The following MYT1L variants were observed in gnomAD, a reference collection of about 807,000 sequenced individuals.
The protein encoded by MYT1L is myelin transcription factor 1-like protein.
In MYT1L, 12 loss-of-function variants were observed where a neutral mutation model predicts 126.7. That is an observed-to-expected ratio of 0.09 (90% CI 0.06 to 0.15). MYT1L has a LOEUF of 0.15. MYT1L is among the 10% of genes least tolerant of loss of function. The probability of loss-of-function intolerance (pLI) is 1.00; values close to 1 mark genes in which losing one functional copy is unlikely to be tolerated. For missense variants in MYT1L, 979 were observed against 1,585.2 expected (o/e 0.62, Z 6.49); for synonymous variants, 541 against 604.2 (o/e 0.90, Z 1.53).
chr2:2,104,938 G>C (rs2046269856), intron 3 of MYT1L, among the ~76,000 whole-genome samples: 3 of 152,110 alleles, frequency 2.0e-5, no homozygotes, highest in South Asian at 4.1e-4. Flanking sequence ...GGAATCTTAA[G>C]TCACTCAGCC....
At chr2:2,005,788 G>A (rs1011051419) in intron 4 of MYT1L, among the ~76,000 whole-genome samples, 7 of 130,642 alleles carry the variant, frequency 5.4e-5, no homozygotes, top group African/African-American at 1.8e-4. Flanking sequence ...TCCTGTGTGC[G>A]TTCTTTCCTG....
At chr2:1,904,117 CAA>C (rs1306970547) in intron 13 of MYT1L, among the ~76,000 whole-genome samples, 2 of 152,204 alleles carry the variant, frequency 1.3e-5, no homozygotes, top group East Asian at 1.9e-4. Context: ...AACCGTCAGA[CAA>C]GAGCAAAACC....
rs190418209 is a variant in MYT1L at position 2,126,535 on chromosome 2, T to C, written c.-304+46337A>G. Among the ~76,000 whole-genome samples the C allele has an allele frequency of 1.6e-4, 25 of 152,250 alleles. No homozygotes were observed. In the East Asian group the frequency reaches 2.1e-3, roughly 13 times the overall value. ...CCCCTTGCCATAGGGTGGGTAGGGA[T>C]TGGCGAGCCTGAGGCAGTCAACACA... On this transcript the variant is annotated intron_variant, in intron 3 of 24. Coordinates refer to ENST00000647738, the MANE Select transcript of MYT1L (RefSeq NM_001303052.2).
At chr2:1,972,731 T>C (rs548958805) in intron 8 of MYT1L, among the ~76,000 whole-genome samples, 4 of 152,318 alleles carry the variant, frequency 2.6e-5, no homozygotes, top group South Asian at 4.1e-4. Context: ...CGCTGTGCCA[T>C]GGCACCCACA....
chr2:1,901,147 G>A lies in MYT1L; in HGVS notation c.2032+1933C>T, dbSNP rs71442306. 1.5e-3 allele frequency among the ~76,000 whole-genome samples: 228 copies of A among 152,294 alleles called. 2 individuals are homozygous for A. The highest frequency in any genetic ancestry group is 3.5e-3 in the Admixed American group (53 of 15,302). On this transcript the variant is annotated intron_variant, in intron 14 of 24. Coordinates refer to ENST00000647738, the MANE Select transcript of MYT1L (RefSeq NM_001303052.2). ...TGACTTCGGGTGCCCTAAAGGCACC[G>A]TGACCTGGAGACGGCTCTGCTGGTC...
chr2:1,926,022 AGT>A (rs2054182054), intron 9 of MYT1L, among the ~76,000 whole-genome samples: 1 of 152,184 alleles, frequency 6.6e-6, no homozygotes, highest in Admixed American at 6.5e-5. Context: ...GGAAACAGGC[AGT>A]GGAAAGCATA....
intron 5 of MYT1L, among the ~76,000 whole-genome samples, chr2:1,989,185 G>A (rs186210600): frequency 1.3e-5 from 2 of 152,252 alleles, no homozygotes; most frequent in Admixed American, 6.5e-5. Context: ...TTTTCTAGAT[G>A]AGAATATTTT....
chr2:1,918,001 G>A (rs193242662), intron 10 of MYT1L, among the ~76,000 whole-genome samples: 8 of 152,252 alleles, frequency 5.3e-5, no homozygotes, highest in East Asian at 1.9e-4. Context: ...CAGAAGCCAC[G>A]GGAGCAGCCT....
At position 1,805,463 on chromosome 2, in the gene MYT1L, A is replaced by G. The variant is rs191609201; in HGVS notation, c.3172+3613T>C. Among the ~76,000 whole-genome samples, 43 of 152,324 alleles carry G rather than the reference A, an allele frequency of 2.8e-4. No homozygotes were observed. The East Asian group carries it at 6.9e-3, about 25-fold the overall frequency. ...AGGCTTTACACTCAGGATATGAAAG[A>G]AAAGAAGGCCGGGCATGGTGGCTCA... On this transcript the variant is annotated intron_variant, in intron 22 of 24. Coordinates refer to ENST00000647738, the MANE Select transcript of MYT1L (RefSeq NM_001303052.2).
chr2:1,805,317 G>A (rs983603258), intron 22 of MYT1L, among the ~76,000 whole-genome samples: 11 of 152,178 alleles, frequency 7.2e-5, no homozygotes, highest in Admixed American at 2.6e-4. Context: ...CTTCTTGGCC[G>A]AGTCAGTGCC....
chr2:1,978,870 T>A (rs2060379530), intron 8 of MYT1L, among the ~76,000 whole-genome samples: 1 of 152,024 alleles, frequency 6.6e-6, no homozygotes, highest in Non-Finnish European at 1.5e-5. Flanking sequence ...CAGTGGGAAG[T>A]TCTTAGGTGG....
At chr2:1,933,845 C>T (rs546124354) in intron 9 of MYT1L, among the ~76,000 whole-genome samples, 1 of 152,090 alleles carries the variant, frequency 6.6e-6, no homozygotes, top group Non-Finnish European at 1.5e-5. Context: ...GAATTTTTAA[C>T]ATTATTCAGT....
At chr2:2,137,147 T>C (rs1488639870) in intron 3 of MYT1L, among the ~76,000 whole-genome samples, 1 of 152,144 alleles carries the variant, frequency 6.6e-6, no homozygotes, top group Non-Finnish European at 1.5e-5. Context: ...GTGAAGGACC[T>C]CTTCAAGGAG....
At chr2:2,232,772 A>C (rs1559408812) in intron 2 of MYT1L, among the ~76,000 whole-genome samples, 2 of 152,188 alleles carry the variant, frequency 1.3e-5, no homozygotes, top group Non-Finnish European at 2.9e-5. Context: ...GCAATGATGA[A>C]GTGACTACAG....
intron 3 of MYT1L, 36 bp from the exon 4 acceptor site, chr2:2,054,159 A>G (rs139649147): frequency 6.5e-6 from 1 of 152,806 alleles, no homozygotes; most frequent in East Asian, 1.9e-4. Flanking sequence ...AATGAGGCTG[A>G]TATTCACAGT....
At chr2:1,981,876 G>A (rs1470440808) in intron 5 of MYT1L, among the ~76,000 whole-genome samples, 3 of 152,108 alleles carry the variant, frequency 2.0e-5, no homozygotes, top group African/African-American at 7.2e-5. Flanking sequence ...CAGCCAATTC[G>A]GGAACATAAT....
rs543025789 is a variant in MYT1L, at chr2:1,976,944, GT to G, written c.152+2220del. On this transcript the variant is annotated intron_variant, in intron 8 of 24. Transcript: ENST00000647738. ...ACTGAAGGCTGTAGACGTTACGTAA[GT>G]TGTCCAGAGCTACTGGTCCATTAGT... Among the ~76,000 whole-genome samples the G allele has an allele frequency of 1.5e-3, 229 of 152,282 alleles. 2 individuals carry two copies. Among genetic ancestry groups the G allele is most frequent in the Non-Finnish European group, 2.8e-3 (188 of 68,022 alleles).
intron 19 of MYT1L, among the ~76,000 whole-genome samples, chr2:1,847,497 G>A (rs1215188300): frequency 6.6e-6 from 1 of 152,134 alleles, no homozygotes; most frequent in Non-Finnish European, 1.5e-5. Context: ...GAGAGAATGA[G>A]GAGCACCCCT....
rs533062752 is a variant in MYT1L, at chr2:2,130,068, T to G, written c.-304+42804A>C. ...TATTATCAGCAATCTAATGGTAGATTGAGAGAAAACATTTGCATTATAGGA... is the reference window on the plus strand; with the variant it reads ...TATTATCAGCAATCTAATGGTAGATGGAGAGAAAACATTTGCATTATAGGA... On this transcript the variant is annotated intron_variant, in intron 3 of 24. Coordinates refer to ENST00000647738, the MANE Select transcript of MYT1L (RefSeq NM_001303052.2). 4.0e-5 allele frequency among the ~76,000 whole-genome samples: 6 copies of G among 151,710 alleles called. No individual in the cohort carries two copies. In the South Asian group the frequency reaches 1.3e-3, roughly 32 times the overall value.
Sources: allele counts gnomAD v4.1 joint callset (sites outside exome capture counted in the v4.1 genomes callset), GRCh38; gene constraint gnomAD v4.1.1; transcripts MANE v1.5; gene names NCBI Gene and HGNC (gene_info 2026-07-23, HGNC 2026-07-21).